Variants in SGCZ observed in about 807,000 individuals in gnomAD.
The protein encoded by SGCZ is sarcoglycan zeta.
Under a neutral mutation model 41.3 loss-of-function variants are expected in SGCZ, and 40 were observed. The observed-to-expected ratio is 0.97, with a 90% CI of 0.75 to 1.26. SGCZ has a LOEUF of 1.26. SGCZ is among the 50% of genes most tolerant of loss of function. The probability of loss-of-function intolerance (pLI) is 0.00; values close to 1 mark genes in which losing one functional copy is unlikely to be tolerated. For synonymous variants in SGCZ, 206 were observed against 137.5 expected (o/e 1.50, Z -3.49); for missense variants, 552 against 369.8 (o/e 1.49, Z -4.04).
chr8:14,958,051 A>G (rs545667107), intron 1 of SGCZ, among the ~76,000 whole-genome samples: 14 of 152,194 alleles, frequency 9.2e-5, no homozygotes, highest in Non-Finnish European at 1.6e-4. Flanking sequence ...TCACATATTC[A>G]TCTCTATTTT....
intron 1 of SGCZ, among the ~76,000 whole-genome samples, chr8:15,075,886 C>T (rs564065682): frequency 5.3e-4 from 80 of 151,926 alleles, no homozygotes; most frequent in African/African-American, 1.8e-3. Context: ...CAGTGAATCA[C>T]TGATAAGTAC....
chr8:14,611,216 T>C (rs573605599), intron 1 of SGCZ, among the ~76,000 whole-genome samples: 4 of 152,296 alleles, frequency 2.6e-5, no homozygotes, highest in South Asian at 2.1e-4. Context: ...GAGTCTTTCC[T>C]CTATCCTTTT....
intron 4 of SGCZ, among the ~76,000 whole-genome samples, chr8:14,166,893 C>A (rs573332771): frequency 9.9e-4 from 151 of 152,148 alleles, no homozygotes; most frequent in Non-Finnish European, 1.5e-3. Context: ...TATTTACGCA[C>A]ATAGATGAGA....
chr8:14,222,181 TG>T (rs1277063576), intron 4 of SGCZ, among the ~76,000 whole-genome samples: 1 of 152,148 alleles, frequency 6.6e-6, no homozygotes, highest in African/African-American at 2.4e-5. Context: ...TGTTTTGTTT[TG>T]TTTTTTGAGG....
At chr8:14,434,415 T>A (rs1800029676) in intron 2 of SGCZ, among the ~76,000 whole-genome samples, 1 of 152,216 alleles carries the variant, frequency 6.6e-6, no homozygotes, top group South Asian at 2.1e-4. Context: ...CCTCCAGATT[T>A]GTTCTTTTTG....
chr8:14,341,651 T>C lies in SGCZ; in HGVS notation c.235-17447A>G, dbSNP rs982121374. 3.3e-5 allele frequency among the ~76,000 whole-genome samples: 5 copies of C among 152,182 alleles called. No individual in the cohort carries two copies. In the South Asian group the frequency reaches 1.0e-3, roughly 32 times the overall value. On this transcript the variant is annotated intron_variant, in intron 2 of 7. Transcript: ENST00000382080. ...TCAACTTGAATTGTATCTCCCAGAA[T>C]TCCCATGTGTTATAGGAGGGACCCA... is the stretch of plus-strand genomic sequence containing the variant.
intron 1 of SGCZ, among the ~76,000 whole-genome samples, chr8:14,574,146 C>A (rs1451869672): frequency 1.3e-5 from 2 of 152,074 alleles, no homozygotes; most frequent in Non-Finnish European, 2.9e-5. Flanking sequence ...ATGCAGGTTT[C>A]ATATAACCTT....
intron 2 of SGCZ, among the ~76,000 whole-genome samples, chr8:14,373,895 G>T (rs1454372607): frequency 2.6e-5 from 4 of 152,176 alleles, no homozygotes. Context: ...TCTAGTTGAT[G>T]GTTGATGGGT....
intron 1 of SGCZ, among the ~76,000 whole-genome samples, chr8:14,633,507 A>G (rs1236958240): frequency 6.6e-6 from 1 of 151,648 alleles, no homozygotes; most frequent in East Asian, 1.9e-4. Context: ...TTTATTATTT[A>G]TTAGCAAGCA....
chr8:14,267,355 G>C (rs1483525310), intron 3 of SGCZ, among the ~76,000 whole-genome samples: 1 of 152,018 alleles, frequency 6.6e-6, no homozygotes, highest in East Asian at 1.9e-4. Context: ...AACATAAGTA[G>C]CGTTATCATT....
At chr8:14,739,205 A>G (rs1799131619) in intron 1 of SGCZ, among the ~76,000 whole-genome samples, 1 of 152,054 alleles carries the variant, frequency 6.6e-6, no homozygotes, top group Non-Finnish European at 1.5e-5. Context: ...AAGATTTAAG[A>G]GTCATTATGA....
At chr8:15,225,560 C>T (rs1262068605) in intron 1 of SGCZ, among the ~76,000 whole-genome samples, 2 of 152,110 alleles carry the variant, frequency 1.3e-5, no homozygotes, top group Admixed American at 6.6e-5. Context: ...GTACTCTTTT[C>T]CAGAGAGCCT....
At chr8:14,623,324 G>C (rs1222657950) in intron 1 of SGCZ, among the ~76,000 whole-genome samples, 1 of 152,068 alleles carries the variant, frequency 6.6e-6, no homozygotes, top group Non-Finnish European at 1.5e-5. Flanking sequence ...TAAAGAGAAA[G>C]TGCATAAATA....
At chr8:15,121,065 T>C (rs1807459442) in intron 1 of SGCZ, among the ~76,000 whole-genome samples, 1 of 152,236 alleles carries the variant, frequency 6.6e-6, no homozygotes, top group Non-Finnish European at 1.5e-5. Flanking sequence ...TCTTCATTTT[T>C]TCTTTGCGTT....
At chr8:14,239,636 T>C (rs1173683648) in intron 3 of SGCZ, among the ~76,000 whole-genome samples, 3 of 152,016 alleles carry the variant, frequency 2.0e-5, no homozygotes, top group Admixed American at 2.0e-4. Context: ...TAAGAATTAT[T>C]TCACGCCTGT....
intron 1 of SGCZ, among the ~76,000 whole-genome samples, chr8:14,644,694 G>C (rs1209835330): frequency 2.6e-5 from 4 of 151,582 alleles, no homozygotes; most frequent in Non-Finnish European, 4.4e-5. Flanking sequence ...AATTTTAAGA[G>C]ACCAGCCAAA....
rs145104746 is a variant in SGCZ, at chr8:14,208,031, C to T, written c.424+29561G>A. ...ACTATTAATGTTTCTTCCCTACAAA[C>T]AGAAAATGAAGTTATTAAATCCAAT... On this transcript the variant is annotated intron_variant, in intron 4 of 7. Transcript: ENST00000382080. Among the ~76,000 whole-genome samples the T allele has an allele frequency of 6.4e-3, 978 of 152,220 alleles. 14 individuals are homozygous for T. Among genetic ancestry groups the T allele is most frequent in the African/African-American group, 0.021 (888 of 41,558 alleles).
rs183869089 is a variant in SGCZ at position 14,532,629 on chromosome 8, C to T, written c.234+22103G>A. On this transcript the variant is annotated intron_variant, in intron 2 of 7. Coordinates refer to ENST00000382080, the MANE Select transcript of SGCZ (RefSeq NM_139167.4). ...CAAAAATGTAAGAGGAAACTATCAC[C>T]ATCTGAACTTTGAAGCTGGCTCATT... 1.2e-4 allele frequency among the ~76,000 whole-genome samples: 17 copies of T among 142,076 alleles called. No homozygotes were observed. The East Asian group carries it at 2.4e-3, about 20-fold the overall frequency. The allele number at this position is 142,076 out of a possible 152,430, so 93.2% of individuals were successfully genotyped here. A position where few individuals can be genotyped will look rare whatever the true frequency, so the allele number is the denominator to read the frequency against.
intron 1 of SGCZ, among the ~76,000 whole-genome samples, chr8:14,833,496 G>C (rs1008856694): frequency 3.3e-5 from 5 of 152,134 alleles, no homozygotes; most frequent in African/African-American, 7.2e-5. Flanking sequence ...TGAAATATCT[G>C]AGCACTTCTG....
Sources: allele counts gnomAD v4.1 joint callset (sites outside exome capture counted in the v4.1 genomes callset), GRCh38; gene constraint gnomAD v4.1.1; transcripts MANE v1.5; gene names NCBI Gene and HGNC (gene_info 2026-07-23, HGNC 2026-07-21).